PLAG1: variants seen among roughly 807,000 people sequenced by gnomAD.
PLAG1 encodes the protein zinc finger protein PLAG1.
In PLAG1, 7 loss-of-function variants were observed where a neutral mutation model predicts 35.5. The observed-to-expected ratio is 0.20, with a 90% CI of 0.11 to 0.37. The LOEUF (loss-of-function observed/expected upper bound fraction) is 0.37, where lower values mean the gene tolerates loss of function less well. Ranked by LOEUF, PLAG1 falls within the 10% of genes least tolerant of loss-of-function variation. PLAG1 has a pLI of 1.00. For missense variants in PLAG1, 454 were observed against 602.8 expected (o/e 0.75, Z 2.58); for synonymous variants, 229 against 225.4 (o/e 1.02, Z -0.14).
At chr8:56,175,010 T>G (rs985079136) in intron 2 of PLAG1, among the ~76,000 whole-genome samples, 6 of 152,184 alleles carry the variant, frequency 3.9e-5, no homozygotes. Flanking sequence ...TAATCCCTCA[T>G]GGATAGCAAG....
intron 1 of PLAG1, among the ~76,000 whole-genome samples, chr8:56,193,689 G>T (rs960653894): frequency 2.7e-5 from 4 of 150,120 alleles, no homozygotes; most frequent in Admixed American, 2.7e-4. Context: ...TCTTTCATTA[G>T]GTAAACTTTT....
rs1326014291 is a variant in PLAG1, at chr8:56,165,883, A to G, written c.*360T>C. On this transcript the variant is annotated 3_prime_UTR_variant, in exon 5 of 5. Transcript: ENST00000316981. ...TAAATTTTTTAATGAGCCAGATGTC[A>G]AAAGGTAGAGCCACTGTTATTAGAC... The G allele has an allele frequency of 4.9e-6, 1 of 203,438 alleles. No homozygotes were observed. The highest frequency in any genetic ancestry group is 1.0e-5 in the Non-Finnish European group (1 of 99,372). The allele number at this position is 203,438 out of a possible 1,614,324, so 12.6% of individuals were successfully genotyped here. A position where few individuals can be genotyped will look rare whatever the true frequency, so the allele number is the denominator to read the frequency against.
chr8:56,173,123 C>G (rs1278904377), intron 2 of PLAG1, among the ~76,000 whole-genome samples: 1 of 151,944 alleles, frequency 6.6e-6, no homozygotes, highest in East Asian at 1.9e-4. Context: ...GCTTATTGTT[C>G]AATGACATTT....
chr8:56,191,821 A>C (rs1308465581), intron 1 of PLAG1, among the ~76,000 whole-genome samples: 1 of 152,074 alleles, frequency 6.6e-6, no homozygotes, highest in Non-Finnish European at 1.5e-5. Context: ...AAAAAAAAAA[A>C]AAACCCAGAA....
chr8:56,163,967 T>C lies in PLAG1; in HGVS notation c.*2276A>G, dbSNP rs143948006. On this transcript the variant is annotated 3_prime_UTR_variant, in exon 5 of 5. Transcript: ENST00000316981. The stretch of plus-strand genomic sequence containing the variant: ...CTTTTATATGGTGATTAAAGCAATA[T>C]TGAACACTAATCATTCAACTAAAGA... The C allele has an allele frequency of 4.3e-3, 792 of 183,088 alleles. No individual in the cohort carries two copies. Among genetic ancestry groups the C allele is most frequent in the Non-Finnish European group, 5.8e-3 (500 of 85,806 alleles). 11.3% of individuals were successfully genotyped at this position (183,088 alleles called of 1,614,324 possible).
intron 1 of PLAG1, among the ~76,000 whole-genome samples, chr8:56,187,715 G>A (rs1812060561): frequency 6.6e-6 from 1 of 152,110 alleles, no homozygotes; most frequent in Non-Finnish European, 1.5e-5. Flanking sequence ...ATCTTTGAAG[G>A]ACAAACAATG....
chr8:56,192,772 G>T (rs1046838320), intron 1 of PLAG1, among the ~76,000 whole-genome samples: 2 of 152,114 alleles, frequency 1.3e-5, no homozygotes, highest in African/African-American at 4.8e-5. Context: ...CTTTTTAAGA[G>T]ACTATAACGT....
At chr8:56,203,236 T>C (rs1812606934) in intron 1 of PLAG1, among the ~76,000 whole-genome samples, 1 of 152,162 alleles carries the variant, frequency 6.6e-6, no homozygotes, top group South Asian at 2.1e-4. Flanking sequence ...AAAAGTAGAT[T>C]CAGATACAAA....
chr8:56,193,695 C>CTTTTTT (rs760038291), intron 1 of PLAG1, among the ~76,000 whole-genome samples: 2 of 130,802 alleles, frequency 1.5e-5, no homozygotes, highest in South Asian at 2.5e-4. Flanking sequence ...ATTAGGTAAA[C>CTTTTTT]TTTTTTTTTT....
At chr8:56,188,584 G>C (rs1812089490) in intron 1 of PLAG1, among the ~76,000 whole-genome samples, 2 of 152,186 alleles carry the variant, frequency 1.3e-5, no homozygotes, top group Non-Finnish European at 1.5e-5. Flanking sequence ...CACAATGCTG[G>C]ACTTGTTTGC....
intron 2 of PLAG1, among the ~76,000 whole-genome samples, chr8:56,176,477 G>C (rs1383133960): frequency 3.9e-5 from 6 of 152,116 alleles, no homozygotes; most frequent in African/African-American, 1.5e-4. Flanking sequence ...AAAATACAAT[G>C]GGTGGTACAA....
At chr8:56,186,936 G>A (rs1029420150) in intron 1 of PLAG1, among the ~76,000 whole-genome samples, 2 of 152,000 alleles carry the variant, frequency 1.3e-5, no homozygotes, top group South Asian at 2.1e-4. Context: ...GGCTGGTCTC[G>A]AACTCCTGAC....
chr8:56,166,576 G>T lies in PLAG1; in HGVS notation c.1170C>A (p.Ser390=), dbSNP rs1197533863. ...SKLGLDPQIG[S]LDDGAGDLSL... ...AGAGGTCTCCTGCACCATCATCTAG[G>T]GACCCAATCTGAGGATCCAACCCTA... The change falls in exon 5 of 5, where the codon TCC becomes TCA. Residue 390 remains serine, a synonymous_variant. Coordinates refer to ENST00000316981, the MANE Select transcript of PLAG1 (RefSeq NM_002655.3). The T allele has an allele frequency of 3.7e-6, 6 of 1,613,742 alleles. No homozygotes were observed. Among genetic ancestry groups the T allele is most frequent in the Non-Finnish European group, 5.1e-6 (6 of 1,179,882 alleles).
rs1811208235 is a variant in PLAG1, at chr8:56,161,742, A to T, written c.*4501T>A. The T allele has an allele frequency of 4.4e-6, 1 of 229,618 alleles. No individual in the cohort carries two copies. The highest frequency in any genetic ancestry group is 2.2e-5 in the African/African-American group (1 of 45,136). The allele number at this position is 229,618 out of a possible 1,614,324, so 14.2% of individuals were successfully genotyped here. A position where few individuals can be genotyped will look rare whatever the true frequency, so the allele number is the denominator to read the frequency against. Reference sequence around the variant, plus strand: ...CTTTTTCTATGGATAAAAAAATACGACTGAATGAGACAGAGAAGTTTGTAG... The same window carrying T: ...CTTTTTCTATGGATAAAAAAATACGTCTGAATGAGACAGAGAAGTTTGTAG... On this transcript the variant is annotated 3_prime_UTR_variant, in exon 5 of 5. Transcript: ENST00000316981.
At chr8:56,206,069 G>A (rs755774965) in intron 1 of PLAG1, among the ~76,000 whole-genome samples, 2 of 151,726 alleles carry the variant, frequency 1.3e-5, no homozygotes, top group Non-Finnish European at 2.9e-5. Context: ...GTTCTGATAA[G>A]CATTTTTTTT....
At chr8:56,206,680 T>C (rs748709005) in intron 1 of PLAG1, among the ~76,000 whole-genome samples, 1 of 151,980 alleles carries the variant, frequency 6.6e-6, no homozygotes, top group Non-Finnish European at 1.5e-5. Context: ...ACCTAAACAC[T>C]TACTAATTGG....
intron 1 of PLAG1, among the ~76,000 whole-genome samples, chr8:56,206,429 A>T (rs1407657991): frequency 2.6e-5 from 4 of 152,088 alleles, no homozygotes; most frequent in Admixed American, 6.5e-5. Flanking sequence ...TGCAAATAAG[A>T]TATAAAAGTT....
At chr8:56,184,790 G>A (rs1404582381) in intron 1 of PLAG1, among the ~76,000 whole-genome samples, 3 of 152,018 alleles carry the variant, frequency 2.0e-5, no homozygotes, top group African/African-American at 4.8e-5. Context: ...GGTGGCAGGC[G>A]CCTGTAATCT....
chr8:56,191,029 T>C (rs1346215733), intron 1 of PLAG1, among the ~76,000 whole-genome samples: 1 of 152,000 alleles, frequency 6.6e-6, no homozygotes, highest in Non-Finnish European at 1.5e-5. Context: ...TTAAAGGGAA[T>C]GGGGGTATGT....
Sources: allele counts gnomAD v4.1 joint callset (sites outside exome capture counted in the v4.1 genomes callset), GRCh38; gene constraint gnomAD v4.1.1; transcripts MANE v1.5; gene names NCBI Gene and HGNC (gene_info 2026-07-23, HGNC 2026-07-21).